The following COL25A1 variants were observed in gnomAD, a reference collection of about 807,000 sequenced individuals.
COL25A1 encodes collagen type XXV alpha 1 chain.
In COL25A1, 103 loss-of-function variants were observed where a neutral mutation model predicts 128.4. The observed-to-expected ratio is 0.80, with a 90% CI of 0.68 to 0.94. COL25A1 has a LOEUF of 0.94. Ranked by LOEUF, COL25A1 falls within the 40% of genes least tolerant of loss-of-function variation. COL25A1 has a pLI of 0.00. For synonymous variants in COL25A1, 279 were observed against 277.2 expected (o/e 1.01, Z -0.06); for missense variants, 745 against 840.0 (o/e 0.89, Z 1.40).
intron 6 of COL25A1, among the ~76,000 whole-genome samples, chr4:108,994,410 T>C: frequency 6.6e-6 from 1 of 152,122 alleles, no homozygotes; most frequent in East Asian, 1.9e-4. Flanking sequence ...GGGAGGGGCG[T>C]CCACCATTGC....
At chr4:109,015,145 A>T (rs1757101573) in intron 5 of COL25A1, among the ~76,000 whole-genome samples, 1 of 152,192 alleles carries the variant, frequency 6.6e-6, no homozygotes, top group Non-Finnish European at 1.5e-5. Context: ...CTTCCTAGAG[A>T]CTGAGAGCGT....
intron 8 of COL25A1, among the ~76,000 whole-genome samples, chr4:108,944,931 A>G (rs572688009): frequency 6.6e-6 from 1 of 152,260 alleles, no homozygotes; most frequent in African/African-American, 2.4e-5. Context: ...TAGGCAAGGA[A>G]TTTTTCAGGA....
chr4:109,149,701 T>C (rs1771285992), intron 3 of COL25A1, among the ~76,000 whole-genome samples: 2 of 152,346 alleles, frequency 1.3e-5, no homozygotes, highest in African/African-American at 2.4e-5. Context: ...ACAGTGCTAC[T>C]TGTATTTTAT....
chr4:109,143,087 C>G (rs183785721), intron 3 of COL25A1, among the ~76,000 whole-genome samples: 28 of 152,234 alleles, frequency 1.8e-4, no homozygotes, highest in Admixed American at 7.2e-4. Context: ...TTCAGGAACT[C>G]TTGTAAGGCA....
At chr4:109,254,137 C>T (rs1008482480) in intron 3 of COL25A1, among the ~76,000 whole-genome samples, 1 of 150,712 alleles carries the variant, frequency 6.6e-6, no homozygotes, top group African/African-American at 2.4e-5. Context: ...AAGCAAAAAC[C>T]CTGATGAATC....
At chr4:109,247,178 A>G (rs994349805) in intron 3 of COL25A1, among the ~76,000 whole-genome samples, 8 of 152,206 alleles carry the variant, frequency 5.3e-5, no homozygotes, top group Non-Finnish European at 1.0e-4. Context: ...AGCCTGGCCA[A>G]CATGGTAAAA....
chr4:109,112,785 CT>C (rs1410190896), intron 3 of COL25A1, among the ~76,000 whole-genome samples: 1 of 152,086 alleles, frequency 6.6e-6, no homozygotes, highest in African/African-American at 2.4e-5. Flanking sequence ...TTCCACAAAG[CT>C]TTTCCTATTT....
Position 108,863,265 on chromosome 4 carries a change from T to C in COL25A1, c.1152+54A>G, listed in dbSNP as rs1253840103. 8 of 1,552,614 alleles carry C rather than the reference T, an allele frequency of 5.2e-6. No homozygotes were observed. The East Asian group carries it at 1.3e-4, about 26-fold the overall frequency. ...AGAATGTTGTTTTAGTTTTTTGTGTTCTAAATCAAATCAAGCCAGAGAATG... is the reference window on the plus strand; with the variant it reads ...AGAATGTTGTTTTAGTTTTTTGTGTCCTAAATCAAATCAAGCCAGAGAATG... On this transcript the variant is annotated intron_variant, in intron 21 of 37. Transcript: ENST00000399132.
At chr4:109,203,907 T>C (rs941574322) in intron 3 of COL25A1, among the ~76,000 whole-genome samples, 2 of 152,190 alleles carry the variant, frequency 1.3e-5, no homozygotes, top group African/African-American at 4.8e-5. Context: ...GTCATATTGT[T>C]CTATGATTAC....
chr4:109,090,324 G>A (rs1764784769), intron 3 of COL25A1, among the ~76,000 whole-genome samples: 1 of 152,018 alleles, frequency 6.6e-6, no homozygotes, highest in Admixed American at 6.6e-5. Context: ...TTCCTTGTTA[G>A]TAGGTTTTCT....
At chr4:109,156,114 C>T (rs1297881445) in intron 3 of COL25A1, among the ~76,000 whole-genome samples, 1 of 152,138 alleles carries the variant, frequency 6.6e-6, no homozygotes, top group Non-Finnish European at 1.5e-5. Context: ...TCTAATTTGA[C>T]CTCCTGAGAA....
At chr4:108,983,772 T>A (rs1753306331) in intron 6 of COL25A1, among the ~76,000 whole-genome samples, 1 of 151,326 alleles carries the variant, frequency 6.6e-6, no homozygotes, top group South Asian at 2.1e-4. Flanking sequence ...CGTTCCTCCC[T>A]GTGGGTTCGT....
intron 3 of COL25A1, among the ~76,000 whole-genome samples, chr4:109,234,114 G>A (rs1488710563): frequency 6.6e-6 from 1 of 152,054 alleles, no homozygotes; most frequent in African/African-American, 2.4e-5. Context: ...AAAATAATGG[G>A]TAGAAGCCTA....
chr4:108,846,271 A>G (rs751367024), intron 27 of COL25A1, 52 bp from the exon 28 acceptor site: 3 of 1,055,214 alleles, frequency 2.8e-6, no homozygotes, highest in Admixed American at 3.7e-5. Context: ...ACCCCCGATA[A>G]TTACATCCTA....
At chr4:109,269,124 T>G (rs1298302283) in intron 3 of COL25A1, among the ~76,000 whole-genome samples, 1 of 131,398 alleles carries the variant, frequency 7.6e-6, no homozygotes, top group African/African-American at 2.9e-5. Flanking sequence ...GATGTTCCCC[T>G]TCCTGTGTCT....
At chr4:108,988,046 A>G (rs988350328) in intron 6 of COL25A1, among the ~76,000 whole-genome samples, 7 of 152,186 alleles carry the variant, frequency 4.6e-5, no homozygotes, top group Admixed American at 3.3e-4. Context: ...GAAACATAAC[A>G]AACACCGACT....
Position 108,846,209 on chromosome 4 carries a change from C to T in COL25A1, c.1445G>A (p.Gly482Asp). 6.2e-7 allele frequency: 1 copy of T among 1,608,960 alleles called. No individual in the cohort carries two copies. The highest frequency in any genetic ancestry group is 8.5e-7 in the Non-Finnish European group (1 of 1,175,394). Residue 482 changes from glycine to aspartate, a missense_variant, in exon 28 of 38, where the codon GGC becomes GAC. By Grantham distance (94) the Gly-to-Asp change is moderately conservative. This residue lies in a region of COL25A1 where 387 missense variants were observed against 441.9 expected (regional missense o/e 0.88). Coordinates refer to ENST00000399132, the MANE Select transcript of COL25A1 (RefSeq NM_198721.4). The stretch of plus-strand genomic sequence containing the variant: ...TGGGTCCCCCATGTCTCCCTTTGAG[C>T]CTTTGAGTCCCTAAAAATGATAGAC... The part of the protein sequence containing the change: ...PGMDGEQGLK[G>D]SKGDMGDPGM...
chr4:108,993,923 T>A (rs1484347984), intron 6 of COL25A1, among the ~76,000 whole-genome samples: 1 of 150,266 alleles, frequency 6.7e-6, no homozygotes, highest in Non-Finnish European at 1.5e-5. Context: ...AAAGCATAGA[T>A]CCTGCCTTTG....
At chr4:109,201,334 A>G (rs1216490762) in intron 3 of COL25A1, among the ~76,000 whole-genome samples, 2 of 152,208 alleles carry the variant, frequency 1.3e-5, no homozygotes, top group Non-Finnish European at 2.9e-5. Flanking sequence ...GACCAATTTG[A>G]CATTTAAAAA....
Sources: allele counts gnomAD v4.1 joint callset (sites outside exome capture counted in the v4.1 genomes callset), GRCh38; gene constraint gnomAD v4.1.1; regional missense constraint gnomAD v4.1.1; transcripts MANE v1.5; gene names NCBI Gene and HGNC (gene_info 2026-07-23, HGNC 2026-07-21).